The following TNKS1BP1 variants were observed in gnomAD, a reference collection of about 807,000 sequenced individuals.
TNKS1BP1 encodes the protein 182 kDa tankyrase-1-binding protein.
A neutral mutation model predicts 141.1 loss-of-function variants in TNKS1BP1; 48 were observed. The observed-to-expected ratio is 0.34, with a 90% CI of 0.27 to 0.43. The LOEUF is 0.43. Ranked by LOEUF, TNKS1BP1 falls within the 20% of genes least tolerant of loss-of-function variation. The probability of loss-of-function intolerance (pLI) is 1.00; values close to 1 mark genes in which losing one functional copy is unlikely to be tolerated. For synonymous variants in TNKS1BP1, 875 were observed against 898.2 expected, an observed-to-expected ratio of 0.97 and a Z score of 0.46; for missense variants, 2,149 against 2,226.0, an observed-to-expected ratio of 0.97 and a Z score of 0.70.
intron 4 of TNKS1BP1, among the ~76,000 whole-genome samples, chr11:57,316,322 ACT>A (rs1407169817): frequency 6.6e-6 from 1 of 151,418 alleles, no homozygotes; most frequent in African/African-American, 2.4e-5. Context: ...CACCATCCCC[ACT>A]CTCAGTAATC....
In TNKS1BP1 at chr11:57,299,788, T is replaced by C. The variant is rs1235889791; in HGVS notation, c.*306A>G. On this transcript the variant is annotated 3_prime_UTR_variant, in exon 12 of 12. Transcript: ENST00000358252. Reference sequence around the variant, plus strand: ...TCAAAGGCTTTTATAAAAAATGCTATAAATTGGTATCAAAAGAAAACCCAA... The same window carrying C: ...TCAAAGGCTTTTATAAAAAATGCTACAAATTGGTATCAAAAGAAAACCCAA... 3.2e-5 allele frequency: 5 copies of C among 154,698 alleles called. No homozygotes were observed. Among genetic ancestry groups the C allele is most frequent in the Admixed American group, 2.0e-4 (3 of 15,280 alleles). The allele number at this position is 154,698 out of a possible 1,614,324, so 9.6% of individuals were successfully genotyped here.
intron 6 of TNKS1BP1, among the ~76,000 whole-genome samples, chr11:57,304,208 G>A (rs1205066631): frequency 6.6e-6 from 1 of 152,094 alleles, no homozygotes; most frequent in Non-Finnish European, 1.5e-5. Context: ...CCAGGCCCCA[G>A]GTTCCCACTG....
chr11:57,320,736 G>C (rs1010516729), intron 2 of TNKS1BP1, 24 bp from the exon 3 acceptor site: 3 of 1,530,800 alleles, frequency 2.0e-6, no homozygotes, highest in Non-Finnish European at 1.8e-6. Context: ...AGGGTTGGTG[G>C]GGGAGCTGTC....
rs1471921153 is a variant in TNKS1BP1, at chr11:57,302,878, C to T, written c.4317-53G>A. The T allele has an allele frequency of 1.4e-6, 2 of 1,452,460 alleles. No individual in the cohort carries two copies. Among genetic ancestry groups the T allele is most frequent in the South Asian group, 1.5e-5 (1 of 67,960 alleles). The allele number at this position is 1,452,460 out of a possible 1,614,324, so 90.0% of individuals were successfully genotyped here. On this transcript the variant is annotated intron_variant, in intron 6 of 11. Coordinates refer to ENST00000358252, the MANE Select transcript of TNKS1BP1 (RefSeq NM_033396.3). This position sits in a 1 kb window ranked among gnomAD's most constrained non-coding sequence, Gnocchi z 5.5. ...ATCATCGTAAGGCCCCATCTCCCTGCCCTGAAGCCTACTTCACAAGCTCCT... is the reference window on the plus strand; with the variant it reads ...ATCATCGTAAGGCCCCATCTCCCTGTCCTGAAGCCTACTTCACAAGCTCCT...
Position 57,308,377 on chromosome 11 carries a change from TGGGG to T in TNKS1BP1, c.4316+14_4316+17del. ...CACATGTTCCCTCCCACACTTGGGA[TGGGG>T]CTCCGTTCATTACCTTGCTCCGAAG... On this transcript the variant is annotated intron_variant, in intron 6 of 11. Coordinates refer to ENST00000358252, the MANE Select transcript of TNKS1BP1 (RefSeq NM_033396.3). The T allele has an allele frequency of 6.3e-7, 1 of 1,596,140 alleles. No individual in the cohort carries two copies. The highest frequency in any genetic ancestry group is 8.6e-7 in the Non-Finnish European group (1 of 1,167,958).
Position 57,308,931 on chromosome 11 carries a change from CCAGT to C in TNKS1BP1, c.3776_3779del (p.Asp1259GlyfsTer28), listed in dbSNP as rs1855656956. 2 of 1,614,102 alleles carry C rather than the reference CCAGT, an allele frequency of 1.2e-6. No individual in the cohort carries two copies. Among genetic ancestry groups the C allele is most frequent in the Non-Finnish European group, 1.7e-6 (2 of 1,180,032 alleles). On this transcript the variant is annotated frameshift_variant, in exon 6 of 12. Transcript: ENST00000358252. LOFTEE classifies it high-confidence loss of function. ...GGAACTCTCCGGCCTCCACACCTGA[CCAGT>C]CAGTCTGCCCCACGCCACTCTCTCT... is the stretch of plus-strand genomic sequence containing the variant.
chr11:57,309,007 C>A lies in TNKS1BP1; in HGVS notation c.3704G>T (p.Ser1235Ile), dbSNP rs761360637. 1 of 1,614,186 alleles carries A rather than the reference C, an allele frequency of 6.2e-7. No homozygotes were observed. ...CTCCCCGACCTCAGCCAAATCTTTG[C>A]TCTTCACATTAACATCAGAAGTCCA... ...KDWTSDVNVKSKDLAEVGEGG... is the reference protein window; with the variant it reads ...KDWTSDVNVKIKDLAEVGEGG... Residue 1235 changes from serine to isoleucine, a missense_variant, in exon 6 of 12, where the codon AGC becomes ATC. Ser to Ile is a moderately radical substitution (Grantham distance 142). Transcript: ENST00000358252. The surrounding 1 kb of genome is among the most constrained non-coding windows in gnomAD (Gnocchi z 4.3).
At chr11:57,322,087 G>T (rs1400953686) in intron 1 of TNKS1BP1, 137 bp from the exon 2 acceptor site, 3 of 982,862 alleles carry the variant, frequency 3.1e-6, no homozygotes, top group African/African-American at 3.3e-5. Flanking sequence ...GGGGGGGGTA[G>T]GAGGAGGTCA....
chr11:57,306,058 G>T (rs925014205), intron 6 of TNKS1BP1, among the ~76,000 whole-genome samples: 2 of 152,022 alleles, frequency 1.3e-5, no homozygotes, highest in Non-Finnish European at 2.9e-5. Context: ...TGGATCACCT[G>T]AGGTCTGTCT....
chr11:57,320,566 T>C lies in TNKS1BP1; in HGVS notation c.241A>G (p.Met81Val). 1 of 1,614,082 alleles carries C rather than the reference T, an allele frequency of 6.2e-7. No homozygotes were observed. Among genetic ancestry groups the C allele is most frequent in the South Asian group, 1.1e-5 (1 of 91,074 alleles). The change falls in exon 3 of 12, where the codon ATG becomes GTG. Residue 81 changes from methionine (M) to valine (V), a missense_variant. By Grantham distance (21) the Met-to-Val change is conservative. Transcript: ENST00000358252. ...PLAELPSARK[M>V]NMLAGPQPYG... ...GGCTGGGGTCCTGCCAGCATGTTCA[T>C]CTTCCTGGCAGAAGGCAACTCAGCC...
Position 57,313,661 on chromosome 11 carries a change from G to A in TNKS1BP1, c.1027C>T (p.Leu343=), listed in dbSNP as rs1255757968. 1.3e-6 allele frequency: 2 copies of A among 1,562,912 alleles called. No individual in the cohort carries two copies. The highest frequency in any genetic ancestry group is 1.7e-6 in the Non-Finnish European group (2 of 1,153,508). The change falls in exon 5 of 12, where the codon CTG becomes TTG. Residue 343 remains leucine, a synonymous_variant. Coordinates refer to ENST00000358252, the MANE Select transcript of TNKS1BP1 (RefSeq NM_033396.3). ...GTGTGGCGGGAGCCCTCGTCAGGCA[G>A]GGCTGCACTTGGAGCTGATGGAGTC... ...AVTPSAPSAA[L]PDEGSRHTPS...
Position 57,324,834 on chromosome 11 carries a change from A to C in TNKS1BP1, c.-66+6T>G, listed in dbSNP as rs1590600714. ...CTCCTTCGCCCGACCGCCCCCGCGC[A>C]CTCACGCGCTCGCCCGGGGTCCGGC... On this transcript the variant is annotated splice_donor_region_variant and intron_variant, in intron 1 of 11. Transcript: ENST00000358252. The C allele has an allele frequency of 1.0e-6, 1 of 975,224 alleles. No individual in the cohort carries two copies. The highest frequency in any genetic ancestry group is 1.9e-5 in the African/African-American group (1 of 51,926). The allele number at this position is 975,224 out of a possible 1,614,324, so 60.4% of individuals were successfully genotyped here.
At chr11:57,301,117 C>T in intron 9 of TNKS1BP1, 76 bp from the exon 10 acceptor site, 1 of 1,422,388 alleles carries the variant, frequency 7.0e-7, no homozygotes, top group Admixed American at 2.4e-5. Flanking sequence ...GACCTTATCT[C>T]AAGAGTGTGC....
chr11:57,301,402 G>C (rs558425329), intron 9 of TNKS1BP1, among the ~76,000 whole-genome samples: 21 of 152,042 alleles, frequency 1.4e-4, no homozygotes, highest in Non-Finnish European at 2.2e-4. Flanking sequence ...ATACATACAA[G>C]AGGCCTTCTC....
intron 6 of TNKS1BP1, among the ~76,000 whole-genome samples, chr11:57,306,912 G>GT (rs1475119031): frequency 7.4e-5 from 11 of 149,486 alleles, no homozygotes; most frequent in African/African-American, 2.7e-4. Context: ...GTGGGGGGGG[G>GT]GGTTGGGTGG....
At position 57,310,443 on chromosome 11, in the gene TNKS1BP1, A is replaced by G. The variant is rs749818162; in HGVS notation, c.2268T>C (p.Tyr756=). Residue 756 remains tyrosine (Y), a synonymous_variant, in exon 6 of 12, where the codon TAT becomes TAC. Transcript: ENST00000358252. The part of the protein sequence containing the change: ...SSWCQGASQD[Y]GLGGASPRGD... ...CTCTAGGGCTTGCACCCCCAAGGCC[A>G]TAGTCCTGAGAAGCACCTTGACACC... 6.2e-7 allele frequency: 1 copy of G among 1,613,844 alleles called. No homozygotes were observed. Among genetic ancestry groups the G allele is most frequent in the South Asian group, 1.1e-5 (1 of 91,078 alleles).
intron 1 of TNKS1BP1, among the ~76,000 whole-genome samples, chr11:57,324,080 G>A (rs907469108): frequency 3.3e-5 from 5 of 152,216 alleles, no homozygotes; most frequent in African/African-American, 1.2e-4. Context: ...AGGGTAGCAG[G>A]GTAGAAACGA....
At chr11:57,306,991 C>T (rs1020695499) in intron 6 of TNKS1BP1, among the ~76,000 whole-genome samples, 3 of 151,936 alleles carry the variant, frequency 2.0e-5, no homozygotes, top group Non-Finnish European at 4.4e-5. Flanking sequence ...GAAAGAGGTA[C>T]TCCTGACTCT....
At chr11:57,300,455 G>T in intron 11 of TNKS1BP1, 73 bp downstream of exon 11, 1 of 1,381,384 alleles carries the variant, frequency 7.2e-7, no homozygotes, top group Non-Finnish European at 1.0e-6. Context: ...GGGACAGAAG[G>T]GGCATGAGGC....
Sources: gnomAD v4.1 joint callset for allele counts (sites outside exome capture counted in the v4.1 genomes callset) on GRCh38, gnomAD v4.1.1 for gene constraint, Gnocchi (gnomAD v3.1) non-coding constraint, MANE v1.5 for transcripts, NCBI Gene and HGNC (gene_info 2026-07-23, HGNC 2026-07-21) for gene names.